The following UPF1 variants were observed in gnomAD, a reference collection of about 807,000 sequenced individuals.
UPF1 encodes regulator of nonsense transcripts 1.
UPF1 carries 9 observed loss-of-function variants against 129.2 expected under a neutral mutation model. The observed-to-expected ratio is 0.07, with a 90% confidence interval of 0.04 to 0.12. UPF1 has a LOEUF of 0.12. Ranked by LOEUF, UPF1 falls within the 10% of genes least tolerant of loss-of-function variation. The pLI, the probability that UPF1 is intolerant of heterozygous loss-of-function variation, is 1.00. For missense variants in UPF1, 788 were observed against 1,525.3 expected, an observed-to-expected ratio of 0.52 and a Z score of 8.05; for synonymous variants, 649 against 644.9, an observed-to-expected ratio of 1.01 and a Z score of -0.10.
intron 2 of UPF1, 102 bp downstream of exon 2, chr19:18,846,221 G>A (rs2055596799): frequency 6.6e-7 from 1 of 1,526,118 alleles, no homozygotes; most frequent in Non-Finnish European, 8.9e-7. Flanking sequence ...GCGCCCTTGT[G>A]CTGTGACTCT....
chr19:18,863,631 C>CAGCAGGGCAGCACGGAGAA lies in UPF1; in HGVS notation c.2775+21_2775+39dup, dbSNP rs1280577541. On this transcript the variant is annotated intron_variant, in intron 19 of 23. Coordinates refer to ENST00000262803, the MANE Select transcript of UPF1 (RefSeq NM_002911.4). ...CAACCCGGTGAGCGCCTGCACAGGA[C>CAGCAGGGCAGCACGGAGAA]AGCAGGGCAGCACGGAGAAACCCGG... The CAGCAGGGCAGCACGGAGAA allele has an allele frequency of 6.9e-6, 11 of 1,603,820 alleles. No homozygotes were observed. In the Admixed American group the frequency reaches 1.9e-4, roughly 27 times the overall value.
In UPF1 at chr19:18,834,202, G is replaced by T. The variant is rs1335228721; in HGVS notation, c.231+1762G>T. 3.9e-5 allele frequency among the ~76,000 whole-genome samples: 6 copies of T among 152,266 alleles called. No individual in the cohort carries two copies. In the South Asian group the frequency reaches 6.2e-4, roughly 16 times the overall value. ...CATGTGTGAGTCGACTGTATACGCT[G>T]TCTGTAATCTGACGTCCAGCCTGTC... On this transcript the variant is annotated intron_variant, in intron 1 of 23. Transcript: ENST00000262803.
intron 2 of UPF1, 27 bp downstream of exon 2, chr19:18,846,146 C>G: frequency 8.7e-6 from 14 of 1,612,818 alleles, no homozygotes; most frequent in Non-Finnish European, 1.2e-5. Context: ...TGGGCCTGGG[C>G]ATGTGCTGGA....
At chr19:18,857,612 G>T in intron 15 of UPF1, 79 bp downstream of exon 15, 2 of 1,440,644 alleles carry the variant, frequency 1.4e-6, no homozygotes, top group South Asian at 1.4e-5. Context: ...GAAGGAACTG[G>T]CCCATCAGCT....
intron 1 of UPF1, among the ~76,000 whole-genome samples, chr19:18,844,173 A>G (rs555042528): frequency 2.0e-5 from 3 of 152,036 alleles, no homozygotes; most frequent in African/African-American, 7.2e-5. Context: ...CACATCCAGA[A>G]CTAAAGGAGT....
Position 18,851,875 on chromosome 19 carries a change from G to A in UPF1, c.811-260G>A, listed in dbSNP as rs936589349. Among the ~76,000 whole-genome samples, 1 of 152,228 alleles carries A rather than the reference G, an allele frequency of 6.6e-6. No homozygotes were observed. Among genetic ancestry groups the A allele is most frequent in the Non-Finnish European group, 1.5e-5 (1 of 68,038 alleles). ...TTGTAGGCAGGTTCACCCAAGTACC[G>A]GAACCCCGCTGGGGTGCGGAGCAGC... On this transcript the variant is annotated intron_variant, in intron 5 of 23. Coordinates refer to ENST00000262803, the MANE Select transcript of UPF1 (RefSeq NM_002911.4). The surrounding 1 kb of genome is among the most constrained non-coding windows in gnomAD (Gnocchi z 4.2).
In UPF1 at chr19:18,835,629, C is replaced by T. The variant is rs578157207; in HGVS notation, c.231+3189C>T. Among the ~76,000 whole-genome samples the T allele has an allele frequency of 3.9e-5, 6 of 152,206 alleles. No homozygotes were observed. In the South Asian group the frequency reaches 8.3e-4, roughly 21 times the overall value. On this transcript the variant is annotated intron_variant, in intron 1 of 23. Coordinates refer to ENST00000262803, the MANE Select transcript of UPF1 (RefSeq NM_002911.4). Reference sequence around the variant, plus strand: ...TGCTGGGATTACAAGCATGAGCCACCGCACCTGGCCAGCATTTCATTCCTT... The same window carrying T: ...TGCTGGGATTACAAGCATGAGCCACTGCACCTGGCCAGCATTTCATTCCTT...
chr19:18,852,955 C>T, intron 6 of UPF1, 32 bp from the exon 7 acceptor site: 4 of 1,592,368 alleles, frequency 2.5e-6, no homozygotes, highest in Non-Finnish European at 3.4e-6. Flanking sequence ...GTGCTGGAGG[C>T]TAACCGGGGC....
intron 16 of UPF1, 125 bp downstream of exon 16, chr19:18,860,563 G>A (rs2055767257): frequency 2.0e-6 from 2 of 1,017,524 alleles, no homozygotes; most frequent in Non-Finnish European, 3.0e-6. Flanking sequence ...TGTTTAGCCT[G>A]TTTAGACTCT....
Position 18,832,257 on chromosome 19 carries a change from G to A in UPF1, c.48G>A (p.Leu16=), listed in dbSNP as rs764051839. 6.4e-7 allele frequency: 1 copy of A among 1,554,218 alleles called. No individual in the cohort carries two copies. The highest frequency in any genetic ancestry group is 1.2e-5 in the South Asian group (1 of 86,528). ...YGPSSQTLTF[L]DTEEAELLGA... is the part of the protein sequence containing the mutation. ...CCAGCTCGCAGACTCTCACTTTCCT[G>A]GACACGGAGGAGGCCGAGCTGCTTG... The change falls in exon 1 of 24, where the codon CTG becomes CTA. Residue 16 remains leucine, a synonymous_variant. Transcript: ENST00000262803. The surrounding 1 kb of genome is among the most constrained non-coding windows in gnomAD (Gnocchi z 5.6).
chr19:18,868,073 G>C lies in UPF1; in HGVS notation c.*1556G>C, dbSNP rs1315440905. ...CTGCCCCATCCCGGCTGTTGGGCTG[G>C]GCCGCTTTGCCTCTGCTTCGCCCTG... is the stretch of plus-strand genomic sequence containing the variant. On this transcript the variant is annotated 3_prime_UTR_variant, in exon 24 of 24. Transcript: ENST00000262803. 6.3e-6 allele frequency: 1 copy of C among 159,786 alleles called. No homozygotes were observed. Among genetic ancestry groups the C allele is most frequent in the African/African-American group, 2.4e-5 (1 of 41,588 alleles). 9.9% of individuals were successfully genotyped at this position (159,786 alleles called of 1,614,324 possible). A position where few individuals can be genotyped will look rare whatever the true frequency, so the allele number is the denominator to read the frequency against.
At position 18,846,078 on chromosome 19, in the gene UPF1, A is replaced by C; in HGVS notation, c.330A>C (p.Glu110Asp). 6.2e-7 allele frequency: 1 copy of C among 1,614,188 alleles called. No homozygotes were observed. The change falls in exon 2 of 24, where the codon GAA becomes GAC. Residue 110 changes from glutamate (E) to aspartate (D), a missense_variant. This residue lies in a region of UPF1 where 227 missense variants were observed against 517.9 expected (regional missense o/e 0.44). Coordinates refer to ENST00000262803, the MANE Select transcript of UPF1 (RefSeq NM_002911.4). ...AGTTGAACTTCGAGGAAGATGAAGAAGACACCTATTACACGAAGGACCTCC... is the reference window on the plus strand; with the variant it reads ...AGTTGAACTTCGAGGAAGATGAAGACGACACCTATTACACGAAGGACCTCC... ...LAELNFEEDEEDTYYTKDLPI... is the reference protein window; with the variant it reads ...LAELNFEEDEDDTYYTKDLPI...
intron 1 of UPF1, among the ~76,000 whole-genome samples, chr19:18,835,838 G>A (rs778823344): frequency 1.3e-5 from 2 of 152,188 alleles, no homozygotes; most frequent in Admixed American, 6.5e-5. Context: ...GCTGGGCCGC[G>A]TAGTAACCTT....
In UPF1 at chr19:18,860,991, C is replaced by A; in HGVS notation, c.2457+9C>A. The A allele has an allele frequency of 6.4e-7, 1 of 1,564,804 alleles. No homozygotes were observed. The highest frequency in any genetic ancestry group is 8.6e-7 in the Non-Finnish European group (1 of 1,156,606). ...ACACCAAGCTCTACCAGGTGCGCTG[C>A]GCCCTCGGGCACACTTGGTCTCCTG... On this transcript the variant is annotated intron_variant, in intron 17 of 23. Coordinates refer to ENST00000262803, the MANE Select transcript of UPF1 (RefSeq NM_002911.4).
At chr19:18,855,772 C>T (rs1335756239) in intron 11 of UPF1, 153 bp from the exon 12 acceptor site, 10 of 1,089,782 alleles carry the variant, frequency 9.2e-6, no homozygotes, top group South Asian at 3.3e-5. Context: ...TGCTTGAGCC[C>T]AGGATGTTGA....
chr19:18,842,699 TAAA>T (rs200842425), intron 1 of UPF1, among the ~76,000 whole-genome samples: 2 of 151,564 alleles, frequency 1.3e-5, no homozygotes, highest in East Asian at 1.9e-4. Context: ...TTTTTTTAAT[TAAA>T]AAAAATTTGG....
In UPF1 at chr19:18,832,222, G is replaced by A; in HGVS notation, c.13G>A (p.Ala5Thr). The change falls in exon 1 of 24, where the codon GCG (alanine) becomes ACG (threonine). Residue 5 changes from alanine to threonine, a missense_variant. Physicochemically the swap from Ala to Thr is moderately conservative, Grantham distance 58. Around this residue, in one of 6 missense-constraint regions of UPF1, gnomAD observed 112 missense variants for 128.2 expected, o/e 0.87. Transcript: ENST00000262803. The surrounding 1 kb of genome is among the most constrained non-coding windows in gnomAD (Gnocchi z 5.6). The part of the protein sequence containing the change: MSVE[A>T]YGPSSQTLTF... Reference sequence around the variant, plus strand: ...ACCCGGAGGCACCATGAGCGTGGAGGCGTACGGGCCCAGCTCGCAGACTCT... The same window carrying A: ...ACCCGGAGGCACCATGAGCGTGGAGACGTACGGGCCCAGCTCGCAGACTCT... The A allele has an allele frequency of 6.5e-7, 1 of 1,544,750 alleles. No homozygotes were observed. The highest frequency in any genetic ancestry group is 8.7e-7 in the Non-Finnish European group (1 of 1,144,862).
At position 18,857,023 on chromosome 19, in the gene UPF1, G is replaced by T. The variant is rs754477619; in HGVS notation, c.1968+3G>T. ...CCGTGGTCCTCGGGGCCAAGCAGGT[G>T]GGCTGCCTCCCCTGCCCTCCTGTGT... On this transcript the variant is annotated splice_donor_region_variant and intron_variant, in intron 14 of 23. Transcript: ENST00000262803. 6.2e-7 allele frequency: 1 copy of T among 1,607,700 alleles called. No individual in the cohort carries two copies.
chr19:18,852,085 G>A lies in UPF1; in HGVS notation c.811-50G>A, dbSNP rs1377942673. On this transcript the variant is annotated intron_variant, in intron 5 of 23. Coordinates refer to ENST00000262803, the MANE Select transcript of UPF1 (RefSeq NM_002911.4). ...GGTGCCTCTGCGCCCTCGTTCATTT[G>A]CATGTAGGGAAAAACAGGACGAGTG... 3 of 1,540,038 alleles carry A rather than the reference G, an allele frequency of 1.9e-6. No homozygotes were observed. In the East Asian group the frequency reaches 7.2e-5, roughly 37 times the overall value.
Sources: gnomAD v4.1 joint callset for allele counts (sites outside exome capture counted in the v4.1 genomes callset) on GRCh38, gnomAD v4.1.1 for gene constraint, gnomAD v4.1.1 regional missense constraint, Gnocchi (gnomAD v3.1) non-coding constraint, MANE v1.5 for transcripts, NCBI Gene and HGNC (gene_info 2026-07-23, HGNC 2026-07-21) for gene names.